The following PLXNA4 variants were observed in gnomAD, a reference collection of about 807,000 sequenced individuals.
PLXNA4 encodes the protein plexin-A4.
PLXNA4 carries 44 observed loss-of-function variants against 191.8 expected under a neutral mutation model. That is an observed-to-expected ratio of 0.23 (90% CI 0.18 to 0.29). The LOEUF is 0.29. Among genes scored for constraint, PLXNA4 ranks in the 10% least tolerant of loss-of-function variants. PLXNA4 has a pLI of 1.00. For synonymous variants in PLXNA4, 1,082 were observed against 1,009.5 expected (o/e 1.07, Z -1.36); for missense variants, 1,800 against 2,488.8 (o/e 0.72, Z 5.89).
chr7:132,369,105 C>T (rs891690421), intron 3 of PLXNA4, among the ~76,000 whole-genome samples: 17 of 152,164 alleles, frequency 1.1e-4, no homozygotes. Flanking sequence ...AGAGCCTCTC[C>T]CAGCCCTTTC....
chr7:132,199,192 C>T (rs1797354545), intron 12 of PLXNA4, among the ~76,000 whole-genome samples: 1 of 152,200 alleles, frequency 6.6e-6, no homozygotes, highest in Non-Finnish European at 1.5e-5. Context: ...CCAGCCCCCT[C>T]CTCCTCCGAT....
chr7:132,289,708 T>C (rs1800815558), intron 4 of PLXNA4, among the ~76,000 whole-genome samples: 1 of 152,086 alleles, frequency 6.6e-6, no homozygotes, highest in Non-Finnish European at 1.5e-5. Flanking sequence ...AATTTTTAAA[T>C]TTTTTGTAGA....
At chr7:132,491,749 A>C (rs543588481) in intron 2 of PLXNA4, among the ~76,000 whole-genome samples, 19 of 152,352 alleles carry the variant, frequency 1.2e-4, no homozygotes, top group Non-Finnish European at 2.5e-4. Flanking sequence ...GTCTCTACTA[A>C]AAAAACAAAC....
chr7:132,180,537 T>G, intron 19 of PLXNA4, 49 bp downstream of exon 19: 1 of 1,608,418 alleles, frequency 6.2e-7, no homozygotes, highest in Non-Finnish European at 8.5e-7. Flanking sequence ...AGCTCACATC[T>G]GCATCCCTAC....
intron 3 of PLXNA4, among the ~76,000 whole-genome samples, chr7:132,350,424 T>G (rs1330581180): frequency 2.6e-5 from 4 of 152,092 alleles, no homozygotes; most frequent in African/African-American, 9.7e-5. Flanking sequence ...GAGAATTGCT[T>G]GAACCAGAGG....
intron 3 of PLXNA4, among the ~76,000 whole-genome samples, chr7:132,419,057 G>C (rs982100215): frequency 3.3e-5 from 5 of 152,192 alleles, no homozygotes; most frequent in Non-Finnish European, 7.3e-5. Flanking sequence ...CAATCAAAGG[G>C]TTGGGAAGGG....
chr7:132,415,567 T>A (rs899659111), intron 3 of PLXNA4, among the ~76,000 whole-genome samples: 1 of 152,188 alleles, frequency 6.6e-6, no homozygotes, highest in Non-Finnish European at 1.5e-5. Context: ...TACTACAGGT[T>A]AGATAGTCAG....
chr7:132,561,464 C>T (rs1202263941), intron 1 of PLXNA4, among the ~76,000 whole-genome samples: 1 of 135,744 alleles, frequency 7.4e-6, no homozygotes, highest in East Asian at 2.4e-4. Flanking sequence ...TCCTTCTTGT[C>T]CTCCTCCTCC....
intron 2 of PLXNA4, among the ~76,000 whole-genome samples, chr7:132,614,184 A>G (rs949321517): frequency 3.9e-5 from 6 of 152,254 alleles, no homozygotes; most frequent in Admixed American, 2.0e-4. Flanking sequence ...TTAACCCAAT[A>G]TTAATATTCA....
chr7:132,190,396 A>C (rs1211111847), intron 14 of PLXNA4, among the ~76,000 whole-genome samples: 1 of 152,196 alleles, frequency 6.6e-6, no homozygotes, highest in Non-Finnish European at 1.5e-5. Flanking sequence ...AGCTGAGTGC[A>C]TTGGTACATG....
intron 12 of PLXNA4, among the ~76,000 whole-genome samples, chr7:132,200,774 G>A (rs1797407616): frequency 6.6e-6 from 1 of 152,206 alleles, no homozygotes; most frequent in Non-Finnish European, 1.5e-5. Context: ...TCTCACCATT[G>A]TAGTGGAGGA....
At chr7:132,601,625 T>C (rs1207417603) in intron 2 of PLXNA4, among the ~76,000 whole-genome samples, 1 of 152,208 alleles carries the variant, frequency 6.6e-6, no homozygotes. Flanking sequence ...CAAGATAAAG[T>C]GCCTGGGTTC....
At chr7:132,377,273 T>A (rs1330865507) in intron 3 of PLXNA4, among the ~76,000 whole-genome samples, 10 of 152,184 alleles carry the variant, frequency 6.6e-5, no homozygotes, top group Admixed American at 6.5e-4. Context: ...TTGCTTTAAA[T>A]GATTTCAATC....
At chr7:132,625,171 G>T (rs530080861) in intron 2 of PLXNA4, among the ~76,000 whole-genome samples, 3 of 152,094 alleles carry the variant, frequency 2.0e-5, no homozygotes, top group African/African-American at 4.8e-5. Flanking sequence ...CTCCGACGGG[G>T]TACAGACCGA....
chr7:132,644,321 G>C (rs970632737), intron 2 of PLXNA4, among the ~76,000 whole-genome samples: 4 of 152,210 alleles, frequency 2.6e-5, no homozygotes, highest in Admixed American at 1.3e-4. Flanking sequence ...TAAATGGTTA[G>C]CACTCAAGAA....
chr7:132,412,846 C>T (rs1216336359), intron 3 of PLXNA4, among the ~76,000 whole-genome samples: 1 of 152,056 alleles, frequency 6.6e-6, no homozygotes, highest in Non-Finnish European at 1.5e-5. Context: ...GCCTGGAGCA[C>T]CGGGGAGGGA....
intron 3 of PLXNA4, among the ~76,000 whole-genome samples, chr7:132,442,402 C>G (rs1445183568): frequency 6.6e-6 from 1 of 152,132 alleles, no homozygotes; most frequent in East Asian, 1.9e-4. Context: ...GAGGCAACTC[C>G]CAACCCCCAT....
At chr7:132,255,728 A>G (rs1393217901) in intron 4 of PLXNA4, among the ~76,000 whole-genome samples, 2 of 152,168 alleles carry the variant, frequency 1.3e-5, no homozygotes, top group African/African-American at 2.4e-5. Flanking sequence ...CCCTATCAAT[A>G]GGGCTTTGGC....
chr7:132,216,455 T>C (rs1254179846), intron 9 of PLXNA4, among the ~76,000 whole-genome samples: 2 of 152,194 alleles, frequency 1.3e-5, no homozygotes, highest in African/African-American at 4.8e-5. Flanking sequence ...TCTTCACCTA[T>C]CAGCAGGGAC....
Sources: allele counts gnomAD v4.1 joint callset (sites outside exome capture counted in the v4.1 genomes callset), GRCh38; gene constraint gnomAD v4.1.1; transcripts MANE v1.5; gene names NCBI Gene and HGNC (gene_info 2026-07-23, HGNC 2026-07-21).